TBC1D8: variants seen among roughly 807,000 people sequenced by gnomAD.
TBC1D8 encodes the protein TBC1 domain family member 8.
TBC1D8 carries 65 observed loss-of-function variants against 118.8 expected under a neutral mutation model. The observed-to-expected ratio is 0.55, with a 90% confidence interval of 0.45 to 0.67. The LOEUF (loss-of-function observed/expected upper bound fraction) is 0.67, where lower values mean the gene tolerates loss of function less well. TBC1D8 is among the 30% of genes least tolerant of loss of function. The pLI is 0.00. For missense variants in TBC1D8, 1,376 were observed against 1,471.2 expected (o/e 0.94, Z 1.06); for synonymous variants, 566 against 595.8 (o/e 0.95, Z 0.73).
intron 2 of TBC1D8, among the ~76,000 whole-genome samples, chr2:101,075,059 T>C (rs1374841947): frequency 6.6e-6 from 1 of 152,232 alleles, no homozygotes; most frequent in African/African-American, 2.4e-5. Flanking sequence ...TCACAGCTTG[T>C]TGGCCAGAAA....
chr2:101,145,777 T>C (rs1279999920), intron 1 of TBC1D8, among the ~76,000 whole-genome samples: 1 of 152,206 alleles, frequency 6.6e-6, no homozygotes, highest in East Asian at 1.9e-4. Flanking sequence ...TACGATTTAA[T>C]GTGGTGAGAG....
At chr2:101,037,189 A>T (rs551148228) in intron 8 of TBC1D8, among the ~76,000 whole-genome samples, 1 of 152,252 alleles carries the variant, frequency 6.6e-6, no homozygotes, top group African/African-American at 2.4e-5. Context: ...AAGACAAAAA[A>T]AAAGGAAAAA....
intron 2 of TBC1D8, among the ~76,000 whole-genome samples, chr2:101,076,340 G>A (rs1443662017): frequency 3.3e-5 from 5 of 152,312 alleles, no homozygotes; most frequent in South Asian, 4.1e-4. Flanking sequence ...CTTGATGGGG[G>A]AGAATGCAAT....
At position 101,032,257 on chromosome 2, in the gene TBC1D8, G is replaced by T. The variant is rs759173012; in HGVS notation, c.1936+11C>A. 6.2e-7 allele frequency: 1 copy of T among 1,611,156 alleles called. No individual in the cohort carries two copies. On this transcript the variant is annotated intron_variant, in intron 11 of 19. Transcript: ENST00000409318. ...CCCAGATACACAGGAGGAGGAAGGG[G>T]GTCTGTTTACCGATCACTCGGTGGT...
chr2:101,021,719 T>G lies in TBC1D8; in HGVS notation c.2789A>C (p.Glu930Ala). 4 of 1,596,060 alleles carry G rather than the reference T, an allele frequency of 2.5e-6. No individual in the cohort carries two copies. The highest frequency in any genetic ancestry group is 3.4e-6 in the Non-Finnish European group (4 of 1,168,812). Residue 930 changes from glutamate (E) to alanine (A), a missense_variant, in exon 17 of 20, where the codon GAG (glutamate) becomes GCG (alanine). Physicochemically the swap from Glu to Ala is moderately radical, Grantham distance 107. Coordinates refer to ENST00000409318, the MANE Select transcript of TBC1D8 (RefSeq NM_001330348.2). ...AAGCCTGTATAATAGTTTAATCTTC[T>G]CATTCATTTCTCCATTATACATAAT... ...LDIMYNGEMN[E>A]KIKLLYRLHI...
chr2:101,026,982 T>C (rs1277768076), intron 15 of TBC1D8, among the ~76,000 whole-genome samples: 14 of 152,150 alleles, frequency 9.2e-5, no homozygotes, highest in Admixed American at 9.2e-4. Flanking sequence ...TGTACTGTGG[T>C]GTGGGATCAC....
At chr2:101,084,516 AC>A (rs1029111057) in intron 2 of TBC1D8, among the ~76,000 whole-genome samples, 15 of 152,062 alleles carry the variant, frequency 9.9e-5, no homozygotes, top group Non-Finnish European at 1.8e-4. Flanking sequence ...GCATGACCGC[AC>A]CCTAGCCTGG....
chr2:101,113,835 G>T (rs1677710669), intron 1 of TBC1D8, among the ~76,000 whole-genome samples: 1 of 152,202 alleles, frequency 6.6e-6, no homozygotes, highest in Non-Finnish European at 1.5e-5. Flanking sequence ...GCGGATTCCG[G>T]CTCCTCACGC....
intron 18 of TBC1D8, 73 bp from the exon 19 acceptor site, chr2:101,011,099 G>C (rs1452497269): frequency 7.0e-7 from 1 of 1,422,598 alleles, no homozygotes; most frequent in Non-Finnish European, 9.8e-7. Flanking sequence ...AACTATGTAG[G>C]AGAGAGGAGC....
At position 101,151,375 on chromosome 2, in the gene TBC1D8, A is replaced by C; in HGVS notation, c.-122T>G. The C allele has an allele frequency of 1.0e-6, 1 of 973,770 alleles. No homozygotes were observed. Among genetic ancestry groups the C allele is most frequent in the African/African-American group, 1.8e-5 (1 of 56,422 alleles). 60.3% of individuals were successfully genotyped at this position (973,770 alleles called of 1,614,324 possible). A position where few individuals can be genotyped will look rare whatever the true frequency, so the allele number is the denominator to read the frequency against. ...GGGGACCACAGCCCGGCCGGTGCCCAGCGCTCTGAGAGCCCGCGGAGCGCA... is the reference window on the plus strand; with the variant it reads ...GGGGACCACAGCCCGGCCGGTGCCCCGCGCTCTGAGAGCCCGCGGAGCGCA... On this transcript the variant is annotated 5_prime_UTR_variant, in exon 1 of 20. Coordinates refer to ENST00000409318, the MANE Select transcript of TBC1D8 (RefSeq NM_001330348.2).
At position 101,008,211 on chromosome 2, in the gene TBC1D8, A is replaced by G; in HGVS notation, c.3078T>C (p.Asn1026=). ...YSMFHEDPEE[N]DLYQAIATVT... ...CTGTGGCGATGGCTTGATACAAATC[A>G]TTTTCTTCTGGATCTTCATGGAACA... Residue 1026 remains asparagine, a synonymous_variant, in exon 20 of 20, where the codon AAT becomes AAC. Coordinates refer to ENST00000409318, the MANE Select transcript of TBC1D8 (RefSeq NM_001330348.2). The G allele has an allele frequency of 6.2e-7, 1 of 1,604,998 alleles. No individual in the cohort carries two copies. The highest frequency in any genetic ancestry group is 8.5e-7 in the Non-Finnish European group (1 of 1,175,394).
At chr2:101,021,309 G>C (rs905746559) in intron 17 of TBC1D8, among the ~76,000 whole-genome samples, 9 of 152,198 alleles carry the variant, frequency 5.9e-5, no homozygotes, top group Admixed American at 2.0e-4. Flanking sequence ...CTAGAAACAT[G>C]AAATGGTTCT....
chr2:101,007,723 A>G lies in TBC1D8; in HGVS notation c.*98T>C, dbSNP rs1678834275. The G allele has an allele frequency of 2.4e-6, 3 of 1,261,044 alleles. No individual in the cohort carries two copies. The African/African-American group carries it at 4.5e-5, about 19-fold the overall frequency. 78.1% of individuals were successfully genotyped at this position (1,261,044 alleles called of 1,614,324 possible). A position where few individuals can be genotyped will look rare whatever the true frequency, so the allele number is the denominator to read the frequency against. On this transcript the variant is annotated 3_prime_UTR_variant, in exon 20 of 20. Coordinates refer to ENST00000409318, the MANE Select transcript of TBC1D8 (RefSeq NM_001330348.2). ...TGTTTAGCCAGATGCCCCATTGGTA[A>G]GGTAGACTGAAATCTCGGTTTAGGG...
intron 1 of TBC1D8, among the ~76,000 whole-genome samples, chr2:101,126,096 C>A (rs955906330): frequency 6.6e-6 from 1 of 152,096 alleles, no homozygotes; most frequent in Non-Finnish European, 1.5e-5. Flanking sequence ...TCTGATGAAG[C>A]CTCAGGAAGC....
chr2:101,033,450 G>A, intron 10 of TBC1D8, 94 bp downstream of exon 10: 1 of 1,473,000 alleles, frequency 6.8e-7, no homozygotes, highest in Non-Finnish European at 9.4e-7. Flanking sequence ...CAACACTCAG[G>A]ACCAGATGAC....
Position 101,007,798 on chromosome 2 carries a change from T to C in TBC1D8, c.*23A>G. On this transcript the variant is annotated 3_prime_UTR_variant, in exon 20 of 20. Coordinates refer to ENST00000409318, the MANE Select transcript of TBC1D8 (RefSeq NM_001330348.2). ...CGTGCTTTGGTATGGTGGACTCCAG[T>C]GTGCATAGCAGCTGCTGTCTTGCTA... 6.2e-7 allele frequency: 1 copy of C among 1,605,600 alleles called. No homozygotes were observed. Among genetic ancestry groups the C allele is most frequent in the South Asian group, 1.1e-5 (1 of 90,164 alleles).
intron 1 of TBC1D8, among the ~76,000 whole-genome samples, chr2:101,144,325 G>A (rs1266920595): frequency 1.3e-5 from 2 of 152,134 alleles, no homozygotes; most frequent in African/African-American, 4.8e-5. Flanking sequence ...TAGGGGAAGG[G>A]TCAGGTACAT....
In TBC1D8 at chr2:101,131,394, A is replaced by C. The variant is rs1169251270; in HGVS notation, c.127+19733T>G. Reference sequence around the variant, plus strand: ...GGGCATGGTGGTGACGTGCGCCTGTAATCCCAGCTACTCGGGAGGCTGAGG... The same window carrying C: ...GGGCATGGTGGTGACGTGCGCCTGTCATCCCAGCTACTCGGGAGGCTGAGG... On this transcript the variant is annotated intron_variant, in intron 1 of 19. Transcript: ENST00000409318. Among the ~76,000 whole-genome samples, 3 of 152,186 alleles carry C rather than the reference A, an allele frequency of 2.0e-5. No individual in the cohort carries two copies. The East Asian group carries it at 5.8e-4, about 29-fold the overall frequency.
chr2:101,121,184 C>T (rs1678084451), intron 1 of TBC1D8, among the ~76,000 whole-genome samples: 2 of 152,154 alleles, frequency 1.3e-5, no homozygotes, highest in African/African-American at 4.8e-5. Context: ...AAAAGAATTC[C>T]AAAGGACTTT....
Sources: allele counts gnomAD v4.1 joint callset (sites outside exome capture counted in the v4.1 genomes callset), GRCh38; gene constraint gnomAD v4.1.1; transcripts MANE v1.5; gene names NCBI Gene and HGNC (gene_info 2026-07-23, HGNC 2026-07-21).